VWDE: variants seen among roughly 807,000 people sequenced by gnomAD.
The protein encoded by VWDE is von Willebrand factor D and EGF domains.
In VWDE, 207 loss-of-function variants were observed where a neutral mutation model predicts 178.4. The observed-to-expected ratio is 1.16, with a 90% confidence interval of 1.04 to 1.30. The LOEUF is 1.30. Among genes scored for constraint, VWDE ranks in the 50% most tolerant of loss-of-function variants. VWDE has a pLI of 0.00. For missense variants in VWDE, 2,287 were observed against 1,901.3 expected (o/e 1.20, Z -3.77); for synonymous variants, 738 against 651.4 (o/e 1.13, Z -2.02).
Position 12,361,588 on chromosome 7 carries a change from A to G in VWDE, c.2899-67T>C, listed in dbSNP as rs1490721155. On this transcript the variant is annotated intron_variant, in intron 13 of 28. Transcript: ENST00000275358. The stretch of plus-strand genomic sequence containing the variant: ...TGGAAATATTTTGTTAGTAAATTAC[A>G]TATAATGAAAACATAAATTTTAAAA... The G allele has an allele frequency of 1.2e-5, 17 of 1,383,828 alleles. No homozygotes were observed. The South Asian group carries it at 2.6e-4, about 21-fold the overall frequency. The allele number at this position is 1,383,828 out of a possible 1,614,324, so 85.7% of individuals were successfully genotyped here.
intron 1 of VWDE, among the ~76,000 whole-genome samples, chr7:12,396,923 G>A (rs1023193107): frequency 1.3e-5 from 2 of 151,974 alleles, no homozygotes; most frequent in African/African-American, 4.8e-5. Flanking sequence ...CAACAAGAGT[G>A]AAACTCTGTC....
rs748441400 is a variant in VWDE, at chr7:12,369,865, A to G, written c.2441T>C (p.Leu814Pro). ...YSTLTLCQET[L>P]ANSSIGRLCL... The stretch of plus-strand genomic sequence containing the variant: ...CAGCCTTCCTATGCTGGAGTTGGCT[A>G]GAGTCTCCTGACAGAGGGTCAAGGT... Residue 814 changes from leucine to proline, a missense_variant, in exon 12 of 29, where the codon CTA becomes CCA. Leu to Pro is a moderately conservative substitution (Grantham distance 98, BLOSUM62 -3). Coordinates refer to ENST00000275358, the MANE Select transcript of VWDE (RefSeq NM_001135924.3). 6.4e-7 allele frequency: 1 copy of G among 1,551,470 alleles called. No homozygotes were observed. The highest frequency in any genetic ancestry group is 1.4e-5 in the African/African-American group (1 of 73,136).
At position 12,344,394 on chromosome 7, in the gene VWDE, A is replaced by G. The variant is rs1368674575; in HGVS notation, c.3962T>C (p.Ile1321Thr). Residue 1321 changes from isoleucine to threonine, a missense_variant, in exon 20 of 29, where the codon ATT becomes ACT. Physicochemically the swap from Ile to Thr is moderately conservative, Grantham distance 89. Coordinates refer to ENST00000275358, the MANE Select transcript of VWDE (RefSeq NM_001135924.3). ...PNICKCKPGY[I>T]GSNCQTALCD... ...CCTACCAGTTTGGCAGTTAGAACCAATGTAACCAGGTTTACATTTGCAGAT... is the reference window on the plus strand; with the variant it reads ...CCTACCAGTTTGGCAGTTAGAACCAGTGTAACCAGGTTTACATTTGCAGAT... The G allele has an allele frequency of 6.4e-7, 1 of 1,550,988 alleles. No individual in the cohort carries two copies. The highest frequency in any genetic ancestry group is 1.4e-5 in the African/African-American group (1 of 73,010).
chr7:12,377,707 T>C, intron 7 of VWDE, 69 bp downstream of exon 7: 1 of 1,081,076 alleles, frequency 9.3e-7, no homozygotes, highest in Non-Finnish European at 1.2e-6. Flanking sequence ...CCAGTGACTT[T>C]TCCTACAGGA....
At chr7:12,350,274 A>G (rs1419875788) in intron 19 of VWDE, among the ~76,000 whole-genome samples, 1 of 151,748 alleles carries the variant, frequency 6.6e-6, no homozygotes, top group Non-Finnish European at 1.5e-5. Flanking sequence ...ATATAATTGC[A>G]TAAACACATA....
chr7:12,344,480 A>G lies in VWDE; in HGVS notation c.3887-11T>C. 1.3e-6 allele frequency: 2 copies of G among 1,541,440 alleles called. No homozygotes were observed. The highest frequency in any genetic ancestry group is 1.8e-6 in the Non-Finnish European group (2 of 1,141,308). ...GATATTTACAAATGGCTAAAAAAAA[A>G]TCAAAGAAAAAAAGGTTGATTGCTA... On this transcript the variant is annotated splice_polypyrimidine_tract_variant and intron_variant, in intron 19 of 28. Coordinates refer to ENST00000275358, the MANE Select transcript of VWDE (RefSeq NM_001135924.3).
intron 23 of VWDE, among the ~76,000 whole-genome samples, chr7:12,341,450 G>A (rs765213922): frequency 6.6e-5 from 10 of 152,026 alleles, no homozygotes; most frequent in Non-Finnish European, 1.5e-4. Flanking sequence ...TGACCAACAT[G>A]GTGAAACCCC....
At position 12,400,657 on chromosome 7, in the gene VWDE, T is replaced by G. The variant is rs1160744819; in HGVS notation, c.58+3002A>C. On this transcript the variant is annotated intron_variant, in intron 1 of 28. Transcript: ENST00000275358. ...TACCACCAATTTGTCTCAAACACTT[T>G]CAAAAAATAGAAGAAGATGGAACAC... Among the ~76,000 whole-genome samples the G allele has an allele frequency of 2.6e-5, 4 of 151,786 alleles. No homozygotes were observed. The East Asian group carries it at 7.7e-4, about 29-fold the overall frequency.
At chr7:12,342,227 G>T in intron 22 of VWDE, 73 bp from the exon 23 acceptor site, 1 of 1,086,492 alleles carries the variant, frequency 9.2e-7, no homozygotes, top group Non-Finnish European at 1.4e-6. Context: ...TATCTAGCTA[G>T]CTCATAACTG....
In VWDE at chr7:12,336,238, T is replaced by G; in HGVS notation, c.4559-2A>C. ...TTTTACATTTCTGCAAGCAGATAGC[T>G]GCCAATCGAAATATAAACAAGTTAA... On this transcript the variant is annotated splice_acceptor_variant, in intron 26 of 28. Transcript: ENST00000275358. LOFTEE classifies it high-confidence loss of function. 1 of 1,550,634 alleles carries G rather than the reference T, an allele frequency of 6.4e-7. No homozygotes were observed. The highest frequency in any genetic ancestry group is 8.7e-7 in the Non-Finnish European group (1 of 1,146,566).
rs75123859 is a variant in VWDE, at chr7:12,333,381, C to T, written c.4758+84G>A. Reference sequence around the variant, plus strand: ...TTTTATTTTGGAAATAATAAAAAAACATTAATTAGTAACAATTACTAAGTA... The same window carrying T: ...TTTTATTTTGGAAATAATAAAAAAATATTAATTAGTAACAATTACTAAGTA... On this transcript the variant is annotated intron_variant, in intron 28 of 28. Coordinates refer to ENST00000275358, the MANE Select transcript of VWDE (RefSeq NM_001135924.3). 3,937 of 782,536 alleles carry T rather than the reference C, an allele frequency of 5.0e-3. 119 individuals are homozygous for T. The African/African-American group carries it at 0.064, about 13-fold the overall frequency. 48.5% of individuals were successfully genotyped at this position (782,536 alleles called of 1,614,324 possible). A position where few individuals can be genotyped will look rare whatever the true frequency, so the allele number is the denominator to read the frequency against.
rs899085988 is a variant in VWDE, at chr7:12,403,856, T to C, written c.-140A>G. Reference sequence around the variant, plus strand: ...CTGCTTGGAACAGGGAAGCTCCGCGTCCTCGTTCTGGGGTGCACCCAGTCC... The same window carrying C: ...CTGCTTGGAACAGGGAAGCTCCGCGCCCTCGTTCTGGGGTGCACCCAGTCC... On this transcript the variant is annotated 5_prime_UTR_variant, in exon 1 of 29. Transcript: ENST00000275358. 1 of 887,732 alleles carries C rather than the reference T, an allele frequency of 1.1e-6. No individual in the cohort carries two copies. The highest frequency in any genetic ancestry group is 2.7e-5 in the East Asian group (1 of 36,646). 55.0% of individuals were successfully genotyped at this position (887,732 alleles called of 1,614,324 possible).
chr7:12,376,891 T>TTCTC (rs772672133), intron 7 of VWDE, among the ~76,000 whole-genome samples: 2 of 151,420 alleles, frequency 1.3e-5, no homozygotes, highest in South Asian at 2.1e-4. Flanking sequence ...ATGATTCTCT[T>TTCTC]TCTCTCTCTC....
intron 2 of VWDE, among the ~76,000 whole-genome samples, chr7:12,390,574 T>G (rs1784339939): frequency 6.6e-6 from 1 of 151,572 alleles, no homozygotes; most frequent in Non-Finnish European, 1.5e-5. Context: ...AAAAGTTAAA[T>G]AATAAAATTA....
In VWDE at chr7:12,333,551, A is replaced by G; in HGVS notation, c.4672T>C (p.Cys1558Arg). The change falls in exon 28 of 29, where the codon TGT becomes CGT. Residue 1558 changes from cysteine (C) to arginine (R), a missense_variant. Transcript: ENST00000275358. ...RCQIPICNPKCLYGGRCIFPN... is the reference protein window; with the variant it reads ...RCQIPICNPKRLYGGRCIFPN... Reference sequence around the variant, plus strand: ...AATATGCATCTGCCTCCATAAAGACATTTTGGGTTGCAAATTGCTGCAATA... The same window carrying G: ...AATATGCATCTGCCTCCATAAAGACGTTTTGGGTTGCAAATTGCTGCAATA... 1 of 1,550,914 alleles carries G rather than the reference A, an allele frequency of 6.4e-7. No individual in the cohort carries two copies. Among genetic ancestry groups the G allele is most frequent in the Non-Finnish European group, 8.7e-7 (1 of 1,146,418 alleles).
At chr7:12,357,730 A>G (rs1163240845) in intron 16 of VWDE, among the ~76,000 whole-genome samples, 1 of 152,102 alleles carries the variant, frequency 6.6e-6, no homozygotes, top group Non-Finnish European at 1.5e-5. Context: ...CTCAGGCATT[A>G]TTATGAAAGT....
intron 3 of VWDE, among the ~76,000 whole-genome samples, chr7:12,387,222 C>A (rs188108412): frequency 9.2e-5 from 14 of 151,950 alleles, no homozygotes; most frequent in Admixed American, 5.2e-4. Context: ...GCATTATTTG[C>A]TTTGAGATTA....
rs1784495186 is a variant in VWDE, at chr7:12,393,682, T to G, written c.155A>C (p.Asp52Ala). The G allele has an allele frequency of 6.4e-7, 1 of 1,551,062 alleles. No homozygotes were observed. Among genetic ancestry groups the G allele is most frequent in the Non-Finnish European group, 8.7e-7 (1 of 1,146,692 alleles). ...SWHLQQSAVQ[D>A]LICDHSLSPG... is the part of the protein sequence containing the mutation. Reference sequence around the variant, plus strand: ...GGAGAGGGAATGGTCACATATTAGGTCTTGAACAGCTGACTGCTGGAGGTG... The same window carrying G: ...GGAGAGGGAATGGTCACATATTAGGGCTTGAACAGCTGACTGCTGGAGGTG... Residue 52 changes from aspartate to alanine, a missense_variant, in exon 2 of 29, where the codon GAC becomes GCC. Transcript: ENST00000275358.
intron 3 of VWDE, among the ~76,000 whole-genome samples, chr7:12,388,412 C>G (rs1428575961): frequency 6.6e-6 from 1 of 151,896 alleles, no homozygotes; most frequent in Non-Finnish European, 1.5e-5. Context: ...TTATCATACC[C>G]AATTATTTGG....
Sources: allele counts gnomAD v4.1 joint callset (sites outside exome capture counted in the v4.1 genomes callset), GRCh38; gene constraint gnomAD v4.1.1; transcripts MANE v1.5; gene names NCBI Gene and HGNC (gene_info 2026-07-23, HGNC 2026-07-21).